The following VPS53 variants were observed in gnomAD, a reference collection of about 807,000 sequenced individuals.
The protein encoded by VPS53 is vacuolar protein sorting-associated protein 53 homolog.
Under a neutral mutation model 107.0 loss-of-function variants are expected in VPS53, and 70 were observed. The ratio of observed to expected loss-of-function variants is 0.65; its 90% CI spans 0.54 to 0.80. VPS53 has a LOEUF of 0.80. Ranked by LOEUF, VPS53 falls within the 30% of genes least tolerant of loss-of-function variation. The pLI, the probability that VPS53 is intolerant of heterozygous loss-of-function variation, is 0.00. For missense variants in VPS53, 917 were observed against 1,049.4 expected (o/e 0.87, Z 1.74); for synonymous variants, 409 against 393.3 (o/e 1.04, Z -0.47).
intron 18 of VPS53, among the ~76,000 whole-genome samples, chr17:534,000 C>T (rs1021067192): frequency 6.6e-6 from 1 of 152,112 alleles, no homozygotes; most frequent in African/African-American, 2.4e-5. Context: ...CCAGCATACC[C>T]AGCTAATTTT....
intron 8 of VPS53, 83 bp from the exon 9 acceptor site, chr17:628,314 T>G: frequency 6.6e-7 from 1 of 1,522,930 alleles, no homozygotes; most frequent in Non-Finnish European, 8.9e-7. Context: ...ACTTGTTATC[T>G]CTACGCATTG....
chr17:662,873 CGAAGGAAGGAAG>C (rs1314091969), intron 4 of VPS53, among the ~76,000 whole-genome samples: 1 of 98,116 alleles, frequency 1.0e-5, no homozygotes, highest in African/African-American at 4.1e-5. Flanking sequence ...AAGGAAGGAA[CGAAGGAAGGAAG>C]GAAGGAAGGC....
chr17:657,415 T>G (rs560701432), intron 5 of VPS53: 3 of 847,100 alleles, frequency 3.5e-6, no homozygotes, highest in African/African-American at 1.7e-5. Flanking sequence ...AGGAAAATGA[T>G]GAGGGGAAGA....
intron 11 of VPS53, among the ~76,000 whole-genome samples, chr17:607,135 C>G (rs189903765): frequency 1.3e-5 from 2 of 152,124 alleles, no homozygotes; most frequent in Non-Finnish European, 2.9e-5. Flanking sequence ...GGGTGAGCTA[C>G]GAAACAAGGC....
chr17:611,043 A>T (rs535064358), intron 11 of VPS53, among the ~76,000 whole-genome samples: 2 of 152,200 alleles, frequency 1.3e-5, no homozygotes, highest in African/African-American at 4.8e-5. Context: ...AAATGTGAAT[A>T]GACATTTCCT....
chr17:666,918 CA>C (rs933370392), intron 4 of VPS53, among the ~76,000 whole-genome samples: 19 of 145,238 alleles, frequency 1.3e-4, no homozygotes, highest in Admixed American at 2.0e-4. Context: ...GACTCCATCT[CA>C]AAAAAAAAAA....
intron 4 of VPS53, among the ~76,000 whole-genome samples, chr17:670,130 C>T (rs983209044): frequency 6.6e-6 from 1 of 152,102 alleles, no homozygotes; most frequent in Non-Finnish European, 1.5e-5. Flanking sequence ...ACACAGCCTG[C>T]ATCCTAAAGT....
At chr17:662,786 A>AGAGACAGAAAG in intron 4 of VPS53, among the ~76,000 whole-genome samples, 1 of 144,180 alleles carries the variant, frequency 6.9e-6, no homozygotes, top group African/African-American at 2.5e-5. Flanking sequence ...AAAGAAAGAA[A>AGAGACAGAAAG]AAAAGAAAGA....
chr17:554,549 G>A (rs140136320), intron 15 of VPS53, among the ~76,000 whole-genome samples: 191 of 152,140 alleles, frequency 1.3e-3, no homozygotes, highest in East Asian at 8.9e-3. Context: ...GACTACAGGC[G>A]TGCATCACCA....
Position 661,803 on chromosome 17 carries a change from A to G in VPS53, c.372+6T>C. The G allele has an allele frequency of 6.4e-7, 1 of 1,551,726 alleles. No individual in the cohort carries two copies. The highest frequency in any genetic ancestry group is 8.7e-7 in the Non-Finnish European group (1 of 1,146,806). ...GCAAAAAGGTTAGGAAGAAACCAGAACTCACCATTTGCTCTGATTTTTCAG... is the reference window on the plus strand; with the variant it reads ...GCAAAAAGGTTAGGAAGAAACCAGAGCTCACCATTTGCTCTGATTTTTCAG... On this transcript the variant is annotated splice_donor_region_variant and intron_variant, in intron 5 of 21. Coordinates refer to ENST00000437048, the MANE Select transcript of VPS53 (RefSeq NM_001128159.3).
chr17:642,843 AG>A (rs1390190418), intron 7 of VPS53, among the ~76,000 whole-genome samples: 22 of 150,916 alleles, frequency 1.5e-4, no homozygotes, highest in African/African-American at 4.9e-4. Context: ...ATACTTGGAA[AG>A]CGAGGACAAC....
At chr17:558,155 C>T (rs1161401667) in intron 15 of VPS53, among the ~76,000 whole-genome samples, 1 of 152,262 alleles carries the variant, frequency 6.6e-6, no homozygotes, top group Non-Finnish European at 1.5e-5. Flanking sequence ...CCACTGTACC[C>T]TGCCAGGATT....
chr17:622,920 T>C (rs2143021815), intron 11 of VPS53, among the ~76,000 whole-genome samples: 1 of 151,822 alleles, frequency 6.6e-6, no homozygotes, highest in South Asian at 2.1e-4. Flanking sequence ...GAACTCCTGG[T>C]CTCAAGCAAT....
intron 16 of VPS53, among the ~76,000 whole-genome samples, 173 bp from the exon 17 acceptor site, chr17:552,123 TG>T (rs760227445): frequency 1.3e-5 from 2 of 152,238 alleles, no homozygotes; most frequent in Non-Finnish European, 2.9e-5. Context: ...TGGTTTTATC[TG>T]GGTGTGTCCT....
At chr17:679,216 A>ATT (rs1972293072) in intron 4 of VPS53, among the ~76,000 whole-genome samples, 3 of 152,014 alleles carry the variant, frequency 2.0e-5, no homozygotes, top group Admixed American at 6.6e-5. Context: ...AAAACATAAA[A>ATT]TTAAGAATGA....
At chr17:588,683 T>C (rs1478043788) in intron 12 of VPS53, among the ~76,000 whole-genome samples, 1 of 152,230 alleles carries the variant, frequency 6.6e-6, no homozygotes, top group African/African-American at 2.4e-5. Flanking sequence ...GCACTGTTTT[T>C]ACTCTTATCA....
At chr17:662,799 A>AAGAAAGAAAAAAGAAAG (rs1971507320) in intron 4 of VPS53, among the ~76,000 whole-genome samples, 9 of 140,658 alleles carry the variant, frequency 6.4e-5, no homozygotes, top group African/African-American at 2.3e-4. Context: ...AAGAAAGAGA[A>AAGAAAGAAAAAAGAAAG]AGAAAGAAAA....
chr17:714,350 C>T (rs1973765523), intron 1 of VPS53: 2 of 499,216 alleles, frequency 4.0e-6, no homozygotes, highest in South Asian at 4.8e-5. Context: ...CTGCATTCTC[C>T]TAGCGTCGTC....
chr17:628,301 ACTAC>A, intron 8 of VPS53, 70 bp from the exon 9 acceptor site: 1 of 1,566,834 alleles, frequency 6.4e-7, no homozygotes, highest in Admixed American at 1.8e-5. Flanking sequence ...TCTCACAGCC[ACTAC>A]TTGTTATCTC....
Sources: allele counts gnomAD v4.1 joint callset (sites outside exome capture counted in the v4.1 genomes callset), GRCh38; gene constraint gnomAD v4.1.1; transcripts MANE v1.5; gene names NCBI Gene and HGNC (gene_info 2026-07-23, HGNC 2026-07-21).